MEIG1: variants seen among roughly 807,000 people sequenced by gnomAD.
MEIG1 encodes meiosis/spermiogenesis associated 1.
MEIG1 carries 12 observed loss-of-function variants against 11.3 expected under a neutral mutation model. That is an observed-to-expected ratio of 1.07 (90% CI 0.68 to 1.73). The LOEUF (loss-of-function observed/expected upper bound fraction) is 1.73. Ranked by LOEUF, MEIG1 falls within the 40% of genes most tolerant of loss-of-function variation. MEIG1 has a pLI of 0.00. For synonymous variants in MEIG1, 41 were observed against 33.2 expected (o/e 1.24, Z -0.81); for missense variants, 119 against 104.9 (o/e 1.13, Z -0.59).
upstream of MEIG1, among the ~76,000 whole-genome samples, chr10:14,957,682 G>A (rs1427783416): frequency 6.6e-6 from 1 of 152,158 alleles, no homozygotes; most frequent in East Asian, 1.9e-4. Context: ...TGCCCAGGCT[G>A]GAGTGCAGTG....
At position 14,982,460 on chromosome 10, in the gene MEIG1, G is replaced by A. The variant is rs551059272; in HGVS notation, n.67-4336G>A. Among the ~76,000 whole-genome samples, 4 of 152,164 alleles carry A rather than the reference G, an allele frequency of 2.6e-5. No homozygotes were observed. The South Asian group carries it at 8.3e-4, about 32-fold the overall frequency. On this transcript the variant is annotated intron_variant and non_coding_transcript_variant, in intron 1 of 2. Coordinates refer to the MEIG1 transcript ENST00000467536. ...GAACATGAGCAACTGGTGGCAATCA[G>A]CCCAGGTGTGGTTGTGGGTCTGGAT...
downstream of MEIG1, among the ~76,000 whole-genome samples, chr10:14,974,653 C>A (rs1436501258): frequency 6.6e-6 from 1 of 151,914 alleles, no homozygotes; most frequent in Admixed American, 6.6e-5. Flanking sequence ...AATAACTGAT[C>A]ATATAATTCT....
At chr10:14,987,904 G>C (rs1163161726) in exon 3 of MEIG1, 1 of 153,766 alleles carries the variant, frequency 6.5e-6, no homozygotes, top group Non-Finnish European at 1.4e-5. Flanking sequence ...CGACACGAGA[G>C]CTACGACCCC....
rs1564511621 is a variant in MEIG1 at position 14,987,667 on chromosome 10, T to A, written n.286-121T>A. ...TCTGTACATACTACTTTAGAGAAAA[T>A]CCACTGAAGAATATCAGAAGACCAA... On this transcript the variant is annotated intron_variant and non_coding_transcript_variant, in intron 2 of 2. Transcript: ENST00000467536. The A allele has an allele frequency of 1.4e-5, 5 of 361,400 alleles. No homozygotes were observed. The South Asian group carries it at 1.4e-4, about 10-fold the overall frequency. The allele number at this position is 361,400 out of a possible 1,614,324, so 22.4% of individuals were successfully genotyped here. A position where few individuals can be genotyped will look rare whatever the true frequency, so the allele number is the denominator to read the frequency against.
At chr10:14,971,574 A>G (rs1449144062) in intron 2 of MEIG1, among the ~76,000 whole-genome samples, 1 of 152,206 alleles carries the variant, frequency 6.6e-6, no homozygotes, top group Middle Eastern at 3.4e-3. Context: ...GGTGAACTTG[A>G]AATTGGGGCA....
chr10:14,975,018 T>C (rs1287231567), downstream of MEIG1, among the ~76,000 whole-genome samples: 1 of 152,040 alleles, frequency 6.6e-6, no homozygotes, highest in Non-Finnish European at 1.5e-5. Flanking sequence ...TTACGTTCAA[T>C]ATCGCAGTAG....
chr10:14,976,807 C>T (rs183072824), downstream of MEIG1, among the ~76,000 whole-genome samples: 9 of 151,872 alleles, frequency 5.9e-5, no homozygotes, highest in Non-Finnish European at 8.8e-5. Flanking sequence ...TCCAGGAAAA[C>T]GTTACTGCTA....
chr10:14,979,300 G>A (rs150947315), intron 1 of MEIG1, among the ~76,000 whole-genome samples: 12 of 151,250 alleles, frequency 7.9e-5, no homozygotes, highest in Admixed American at 2.0e-4. Flanking sequence ...GACATTATTC[G>A]TAATACTTTA....
chr10:14,970,064 GGT>G (rs1843132084), intron 2 of MEIG1, among the ~76,000 whole-genome samples: 1 of 152,158 alleles, frequency 6.6e-6, no homozygotes, highest in Non-Finnish European at 1.5e-5. Context: ...ATTTGCAGTG[GGT>G]CTTCAGGGAC....
At chr10:14,974,254 C>G (rs1350653556), downstream of MEIG1, among the ~76,000 whole-genome samples, 1 of 152,130 alleles carries the variant, frequency 6.6e-6, no homozygotes, top group Non-Finnish European at 1.5e-5. Context: ...ATTCCTCTAG[C>G]CACTTAGTTG....
chr10:14,975,610 G>A (rs1040197872), downstream of MEIG1, among the ~76,000 whole-genome samples: 22 of 152,044 alleles, frequency 1.4e-4, no homozygotes, highest in African/African-American at 5.3e-4. Context: ...CAGGGCGGGG[G>A]AGGATAATAT....
chr10:14,975,122 C>T (rs566584245), downstream of MEIG1, among the ~76,000 whole-genome samples: 2 of 152,186 alleles, frequency 1.3e-5, no homozygotes, highest in African/African-American at 2.4e-5. Context: ...CGCATCCACC[C>T]GGTGATGTTC....
In MEIG1 at chr10:14,972,561, G is replaced by T. The variant is rs578235673; in HGVS notation, c.187G>T (p.Asp63Tyr). ...ATATGTGAAGAAACTTCAGAGAAGG[G>T]ACAATACGTTCTATTACTACAACAA... ...TGYVKKLQRR[D>Y]NTFYYYNKQR... is the part of the protein sequence containing the mutation. Residue 63 changes from aspartate to tyrosine, a missense_variant, in exon 3 of 3, where the codon GAC (aspartate) becomes TAC (tyrosine). Physicochemically the swap from Asp to Tyr is radical, Grantham distance 160. Transcript: ENST00000407572. The T allele has an allele frequency of 6.2e-7, 1 of 1,613,928 alleles. No homozygotes were observed. Among genetic ancestry groups the T allele is most frequent in the Admixed American group, 1.7e-5 (1 of 59,990 alleles).
chr10:14,985,238 A>C (rs1469945250), intron 1 of MEIG1, among the ~76,000 whole-genome samples: 1 of 151,980 alleles, frequency 6.6e-6, no homozygotes, highest in African/African-American at 2.4e-5. Flanking sequence ...TTCTAGGGAA[A>C]TGTTGCTACT....
chr10:14,967,331 C>A (rs1417427721), intron 2 of MEIG1, among the ~76,000 whole-genome samples: 1 of 148,630 alleles, frequency 6.7e-6, no homozygotes, highest in East Asian at 2.2e-4. Flanking sequence ...GGCAATTATA[C>A]CTTACAAACA....
At chr10:14,981,885 TAACA>T (rs1423164845) in intron 1 of MEIG1, among the ~76,000 whole-genome samples, 1 of 152,202 alleles carries the variant, frequency 6.6e-6, no homozygotes, top group African/African-American at 2.4e-5. Flanking sequence ...TTGCTGCAGC[TAACA>T]AACAGGTCGG....
At chr10:14,975,531 G>A (rs546142420), downstream of MEIG1, among the ~76,000 whole-genome samples, 128 of 152,154 alleles carry the variant, frequency 8.4e-4, no homozygotes, top group African/African-American at 2.6e-3. Context: ...ATCCAGAAGA[G>A]GAGAAGATGA....
At chr10:14,959,225 C>A (rs77378158), upstream of MEIG1, among the ~76,000 whole-genome samples, 1 of 152,290 alleles carries the variant, frequency 6.6e-6, no homozygotes, top group South Asian at 2.1e-4. Flanking sequence ...CAGGGGTGAG[C>A]CCTGGCAGCG....
chr10:14,966,404 T>TA (rs1843084451), intron 1 of MEIG1, 36 bp from the exon 2 acceptor site: 1 of 1,441,986 alleles, frequency 6.9e-7, no homozygotes, highest in Non-Finnish European at 9.4e-7. Flanking sequence ...TTGTCACTAT[T>TA]ACATTATCCA....
Sources: gnomAD v4.1 joint callset for allele counts (sites outside exome capture counted in the v4.1 genomes callset) on GRCh38, gnomAD v4.1.1 for gene constraint, MANE v1.5 for transcripts, NCBI Gene and HGNC (gene_info 2026-07-23, HGNC 2026-07-21) for gene names.